Variants in CDK14 observed in about 807,000 individuals in gnomAD.
CDK14 encodes the protein cyclin-dependent kinase 14.
In CDK14, 34 loss-of-function variants were observed where a neutral mutation model predicts 60.7. That is an observed-to-expected ratio of 0.56 (90% CI 0.43 to 0.75). The LOEUF is 0.75. Ranked by LOEUF, CDK14 falls within the 30% of genes least tolerant of loss-of-function variation. CDK14 has a pLI of 0.00. For synonymous variants in CDK14, 197 were observed against 203.7 expected, an observed-to-expected ratio of 0.97 and a Z score of 0.28; for missense variants, 482 against 564.1, an observed-to-expected ratio of 0.85 and a Z score of 1.47.
chr7:90,643,911 T>G (rs934641850), intron 2 of CDK14, among the ~76,000 whole-genome samples: 42 of 152,174 alleles, frequency 2.8e-4, no homozygotes. Context: ...GAAAGGGAAT[T>G]GGTATGGACT....
intron 2 of CDK14, among the ~76,000 whole-genome samples, chr7:90,655,128 T>G (rs1173421450): frequency 6.6e-6 from 1 of 152,210 alleles, no homozygotes; most frequent in Non-Finnish European, 1.5e-5. Flanking sequence ...CAGTATACAC[T>G]TAAGGTTCCT....
intron 8 of CDK14, among the ~76,000 whole-genome samples, chr7:90,931,367 A>C (rs371149156): frequency 6.6e-6 from 1 of 152,256 alleles, no homozygotes; most frequent in Non-Finnish European, 1.5e-5. Flanking sequence ...AGAATGTGCA[A>C]GTTGGCCCTT....
chr7:90,946,753 A>T (rs944715622), intron 8 of CDK14, among the ~76,000 whole-genome samples: 1 of 152,162 alleles, frequency 6.6e-6, no homozygotes, highest in Non-Finnish European at 1.5e-5. Flanking sequence ...ATTGGCTTTG[A>T]CCACACCCCA....
At chr7:90,902,674 A>G (rs1162290446) in intron 7 of CDK14, among the ~76,000 whole-genome samples, 1 of 152,140 alleles carries the variant, frequency 6.6e-6, no homozygotes, top group Non-Finnish European at 1.5e-5. Context: ...TGGGAGAAAC[A>G]CTTCAGGGCT....
rs1310476654 is a variant in CDK14, at chr7:90,921,994, A to G, written c.826+4270A>G. Among the ~76,000 whole-genome samples, 13 of 152,342 alleles carry G rather than the reference A, an allele frequency of 8.5e-5. No homozygotes were observed. In the East Asian group the frequency reaches 2.1e-3, roughly 25 times the overall value. On this transcript the variant is annotated intron_variant, in intron 8 of 14. Transcript: ENST00000380050. ...TTGTCATATGCTTCTCTGAATTCAC[A>G]TAAGAATAGTAGTAAACAGAAAGAA...
chr7:90,792,052 G>A (rs10225032), intron 5 of CDK14, among the ~76,000 whole-genome samples: 65,587 of 151,174 alleles, frequency 0.43, 14,949 homozygotes, highest in East Asian at 0.82. Context: ...ACAGGCGTGC[G>A]CCACTACGCC....
At chr7:91,114,593 C>T (rs1799555213) in intron 13 of CDK14, among the ~76,000 whole-genome samples, 1 of 152,120 alleles carries the variant, frequency 6.6e-6, no homozygotes, top group African/African-American at 2.4e-5. Context: ...GGCAGAAACA[C>T]GTCTTTGCAT....
At chr7:90,871,830 C>T (rs1791381806) in intron 6 of CDK14, among the ~76,000 whole-genome samples, 1 of 152,188 alleles carries the variant, frequency 6.6e-6, no homozygotes, top group Non-Finnish European at 1.5e-5. Flanking sequence ...TTTCCAGTGG[C>T]TACATCATAT....
intron 12 of CDK14, among the ~76,000 whole-genome samples, chr7:91,106,058 A>C (rs188114969): frequency 6.6e-6 from 1 of 152,348 alleles, no homozygotes; most frequent in East Asian, 1.9e-4. Context: ...CATCCAAATT[A>C]CAAAATGAGA....
At chr7:90,808,137 A>T (rs1788937181) in intron 5 of CDK14, among the ~76,000 whole-genome samples, 1 of 152,170 alleles carries the variant, frequency 6.6e-6, no homozygotes, top group Admixed American at 6.5e-5. Context: ...ACTCCTCGAG[A>T]AGAGCAACTC....
chr7:91,084,510 A>C (rs762131192), intron 12 of CDK14, among the ~76,000 whole-genome samples: 3 of 152,186 alleles, frequency 2.0e-5, no homozygotes, highest in Non-Finnish European at 4.4e-5. Context: ...CTCACACCCT[A>C]CCAGTGAGGT....
intron 14 of CDK14, among the ~76,000 whole-genome samples, chr7:91,135,571 A>G (rs1800255277): frequency 6.6e-6 from 1 of 152,148 alleles, no homozygotes; most frequent in Admixed American, 6.6e-5. Flanking sequence ...AAGAGGGTTT[A>G]ATCCAAAGAG....
intron 7 of CDK14, among the ~76,000 whole-genome samples, chr7:90,907,590 A>G (rs1792750383): frequency 6.6e-6 from 1 of 152,194 alleles, no homozygotes; most frequent in South Asian, 2.1e-4. Context: ...CTTTTCTAGA[A>G]GGTTCCCTGC....
chr7:90,810,257 A>C (rs1399467603), intron 5 of CDK14, among the ~76,000 whole-genome samples: 1 of 152,208 alleles, frequency 6.6e-6, no homozygotes, highest in Non-Finnish European at 1.5e-5. Context: ...CAACACATCA[A>C]AAAGTTTATC....
intron 3 of CDK14, among the ~76,000 whole-genome samples, chr7:90,729,120 C>T (rs62469742): frequency 0.072 from 10,943 of 151,228 alleles, 504 homozygotes; most frequent in South Asian, 0.11. Flanking sequence ...TTCTCTGATT[C>T]AACCTCTTCA....
chr7:90,681,286 A>G (rs1453816892), intron 2 of CDK14, among the ~76,000 whole-genome samples: 1 of 152,170 alleles, frequency 6.6e-6, no homozygotes, highest in Non-Finnish European at 1.5e-5. Flanking sequence ...AACTTGATCA[A>G]ATGTCACTTT....
chr7:90,887,569 A>T (rs1217898062), intron 6 of CDK14, among the ~76,000 whole-genome samples: 2 of 152,130 alleles, frequency 1.3e-5, no homozygotes, highest in Non-Finnish European at 1.5e-5. Flanking sequence ...TTTTCAAACT[A>T]TTTCTCCCAT....
intron 14 of CDK14, among the ~76,000 whole-genome samples, chr7:91,133,447 T>C (rs1014388963): frequency 6.6e-6 from 1 of 152,078 alleles, no homozygotes; most frequent in Non-Finnish European, 1.5e-5. Flanking sequence ...AAACAAATTA[T>C]TAAGAACAGA....
At chr7:90,607,814 A>T (rs1254239541) in intron 2 of CDK14, among the ~76,000 whole-genome samples, 1 of 152,206 alleles carries the variant, frequency 6.6e-6, no homozygotes, top group Non-Finnish European at 1.5e-5. Context: ...CCTGACTACA[A>T]TATTAGCCAT....
Sources: gnomAD v4.1 joint callset for allele counts (sites outside exome capture counted in the v4.1 genomes callset) on GRCh38, gnomAD v4.1.1 for gene constraint, MANE v1.5 for transcripts, NCBI Gene and HGNC (gene_info 2026-07-23, HGNC 2026-07-21) for gene names.